PTPN14: variants seen among roughly 807,000 people sequenced by gnomAD.
PTPN14 encodes protein tyrosine phosphatase non-receptor type 14.
A neutral mutation model predicts 126.8 loss-of-function variants in PTPN14; 53 were observed. The ratio of observed to expected loss-of-function variants is 0.42; its 90% CI spans 0.34 to 0.53. The LOEUF (loss-of-function observed/expected upper bound fraction) is 0.53. PTPN14 is among the 20% of genes least tolerant of loss of function. The pLI, the probability that PTPN14 is intolerant of heterozygous loss-of-function variation, is 0.08. For missense variants in PTPN14, 1,257 were observed against 1,552.9 expected, an observed-to-expected ratio of 0.81 and a Z score of 3.20; for synonymous variants, 630 against 599.3, an observed-to-expected ratio of 1.05 and a Z score of -0.75.
At chr1:214,470,939 C>G (rs1341298363) in intron 1 of PTPN14, among the ~76,000 whole-genome samples, 1 of 150,700 alleles carries the variant, frequency 6.6e-6, no homozygotes, top group Non-Finnish European at 1.5e-5. Flanking sequence ...ACAGGAGAAT[C>G]ACTTGAACCT....
intron 1 of PTPN14, among the ~76,000 whole-genome samples, chr1:214,523,174 C>T (rs79393269): frequency 0.013 from 1,980 of 151,994 alleles, 42 homozygotes; most frequent in African/African-American, 0.045. Context: ...AGGCAGTGCC[C>T]TTGAACCTGG....
Position 214,503,998 on chromosome 1 carries a change from T to A in PTPN14, c.-154-39041A>T, listed in dbSNP as rs546312381. Among the ~76,000 whole-genome samples, 3 of 152,280 alleles carry A rather than the reference T, an allele frequency of 2.0e-5. No homozygotes were observed. The East Asian group carries it at 5.8e-4, about 29-fold the overall frequency. On this transcript the variant is annotated intron_variant, in intron 1 of 18. Transcript: ENST00000366956. Reference sequence around the variant, plus strand: ...AAGTGTGAGAAATAGTCAGGAAACTTGGGTGCCTTCCTCAAACACACCTCT... The same window carrying A: ...AAGTGTGAGAAATAGTCAGGAAACTAGGGTGCCTTCCTCAAACACACCTCT...
chr1:214,526,341 A>C (rs1052558344), intron 1 of PTPN14, among the ~76,000 whole-genome samples: 1 of 152,164 alleles, frequency 6.6e-6, no homozygotes, highest in African/African-American at 2.4e-5. Context: ...TTGGAGTCAG[A>C]GTATACACAT....
intron 17 of PTPN14, among the ~76,000 whole-genome samples, chr1:214,366,190 GA>G (rs1358638216): frequency 6.6e-6 from 1 of 152,082 alleles, no homozygotes; most frequent in African/African-American, 2.4e-5. Context: ...ATTAAAAAAA[GA>G]AAAAGAAAAG....
intron 13 of PTPN14, among the ~76,000 whole-genome samples, chr1:214,382,735 G>A (rs1028808437): frequency 1.3e-5 from 2 of 152,206 alleles, no homozygotes; most frequent in African/African-American, 4.8e-5. Flanking sequence ...GTATGTGTGT[G>A]AATTTTTGAC....
At chr1:214,490,887 GGGGAGGGGAGGGA>G (rs1661221007) in intron 1 of PTPN14, among the ~76,000 whole-genome samples, 1 of 24,894 alleles carries the variant, frequency 4.0e-5, no homozygotes, top group Non-Finnish European at 9.4e-5. Flanking sequence ...GGGGAGGGAA[GGGGAGGGGAGGGA>G]AGGGGAAGGA....
rs77713106 is a variant in PTPN14 at position 214,451,881 on chromosome 1, C to T, written c.268G>A (p.Ala90Thr). ...CCAAAGAAAAGCAAAGGCTCATTAG[C>T]GAATTTGTCCAGATGTTTCTTCAGA... ...KPLKKHLDKF[A>T]NEPLLFFGVM... is the part of the protein sequence containing the mutation. Residue 90 changes from alanine to threonine, a missense_variant, in exon 3 of 19, where the codon GCT becomes ACT. By Grantham distance (58) the Ala-to-Thr change is moderately conservative. Transcript: ENST00000366956. The T allele has an allele frequency of 1.9e-3, 3,056 of 1,614,182 alleles. 33 individuals are homozygous for T. In the African/African-American group the frequency reaches 0.035, roughly 19 times the overall value.
chr1:214,419,688 C>CA (rs61274772), intron 3 of PTPN14, among the ~76,000 whole-genome samples: 58 of 151,374 alleles, frequency 3.8e-4, no homozygotes, highest in Middle Eastern at 3.4e-3. Flanking sequence ...CTATAAAAGA[C>CA]AAAAAAAAGA....
At chr1:214,493,562 G>T (rs1661296475) in intron 1 of PTPN14, among the ~76,000 whole-genome samples, 1 of 152,214 alleles carries the variant, frequency 6.6e-6, no homozygotes, top group African/African-American at 2.4e-5. Flanking sequence ...AAAAAGAAAT[G>T]AATTAGGCAA....
In PTPN14 at chr1:214,350,124, A is replaced by G. The variant is rs1007976884; in HGVS notation, c.*7798T>C. 1 of 152,232 alleles carries G rather than the reference A, an allele frequency of 6.6e-6. No homozygotes were observed. Among genetic ancestry groups the G allele is most frequent in the African/African-American group, 2.4e-5 (1 of 41,452 alleles). 9.4% of individuals were successfully genotyped at this position (152,232 alleles called of 1,614,324 possible). A position where few individuals can be genotyped will look rare whatever the true frequency, so the allele number is the denominator to read the frequency against. ...GAAGGTTGGGGAAGAAAATGAAGATAGCTTACATACAGATTTTGGATGACC... is the reference window on the plus strand; with the variant it reads ...GAAGGTTGGGGAAGAAAATGAAGATGGCTTACATACAGATTTTGGATGACC... On this transcript the variant is annotated 3_prime_UTR_variant, in exon 19 of 19. Transcript: ENST00000366956.
intron 1 of PTPN14, chr1:214,532,263 C>T (rs755692686): frequency 6.8e-6 from 3 of 438,372 alleles, no homozygotes; most frequent in Non-Finnish European, 1.3e-5. Flanking sequence ...AGCCGCCCAG[C>T]TGGTCAACAG....
At chr1:214,478,736 T>C (rs1371241930) in intron 1 of PTPN14, among the ~76,000 whole-genome samples, 1 of 152,136 alleles carries the variant, frequency 6.6e-6, no homozygotes, top group Non-Finnish European at 1.5e-5. Flanking sequence ...TATTTTCTCA[T>C]TTATCTTCAC....
chr1:214,391,525 AAC>A (rs1658751499), intron 10 of PTPN14, among the ~76,000 whole-genome samples: 1 of 152,194 alleles, frequency 6.6e-6, no homozygotes, highest in Non-Finnish European at 1.5e-5. Flanking sequence ...TTATTAAGAT[AAC>A]ACATTTTACA....
intron 3 of PTPN14, among the ~76,000 whole-genome samples, chr1:214,438,858 T>G (rs1457261473): frequency 2.6e-5 from 4 of 152,184 alleles, no homozygotes; most frequent in Non-Finnish European, 2.9e-5. Flanking sequence ...AAAACAAATA[T>G]TATTTGAAGA....
intron 1 of PTPN14, among the ~76,000 whole-genome samples, chr1:214,473,989 G>T (rs61819631): frequency 0.09 from 13,677 of 152,122 alleles, 628 homozygotes; most frequent in South Asian, 0.12. Flanking sequence ...AACAAAAACT[G>T]TAAAAAGCAC....
chr1:214,384,872 T>C lies in PTPN14; in HGVS notation c.1067-84A>G. On this transcript the variant is annotated intron_variant, in intron 12 of 18. Coordinates refer to ENST00000366956, the MANE Select transcript of PTPN14 (RefSeq NM_005401.5). This position sits in a 1 kb window ranked among gnomAD's most constrained non-coding sequence, Gnocchi z 5.3. ...CATCCTCATACTCATGAGGTGACTT[T>C]TAATTTAAACAAATCATAAAAAGTG... 3.4e-6 allele frequency: 5 copies of C among 1,485,246 alleles called. 1 individual carries two copies. Among genetic ancestry groups the C allele is most frequent in the Middle Eastern group, 2.5e-4 (1 of 3,986 alleles). The allele number at this position is 1,485,246 out of a possible 1,614,324, so 92.0% of individuals were successfully genotyped here.
rs767726553 is a variant in PTPN14 at position 214,383,844 on chromosome 1, G to A, written c.2011C>T (p.Leu671Phe). 6.2e-7 allele frequency: 1 copy of A among 1,612,566 alleles called. No individual in the cohort carries two copies. Among genetic ancestry groups the A allele is most frequent in the Non-Finnish European group, 8.5e-7 (1 of 1,180,006 alleles). ...TCCTCGGGCGGTCCCTGCTCCCGGA[G>A]CGTGTTGCGGCGAGCCATGGGGAGG... is the stretch of plus-strand genomic sequence containing the variant. ...LHLPMARRNT[L>F]REQGPPEEGS... The change falls in exon 13 of 19, where the codon CTC (leucine) becomes TTC (phenylalanine). Residue 671 changes from leucine (L) to phenylalanine (F), a missense_variant. Leu to Phe is a conservative substitution (Grantham distance 22). Coordinates refer to ENST00000366956, the MANE Select transcript of PTPN14 (RefSeq NM_005401.5). The surrounding 1 kb of genome is among the most constrained non-coding windows in gnomAD (Gnocchi z 4.4).
Position 214,349,547 on chromosome 1 carries a change from G to A in PTPN14, c.*8375C>T, listed in dbSNP as rs1240036431. On this transcript the variant is annotated 3_prime_UTR_variant, in exon 19 of 19. Coordinates refer to ENST00000366956, the MANE Select transcript of PTPN14 (RefSeq NM_005401.5). Reference sequence around the variant, plus strand: ...GTAGGGAGCACAAGCCTAGTCCAGTGAAACAAACTAGATTAGCTTGTTACT... The same window carrying A: ...GTAGGGAGCACAAGCCTAGTCCAGTAAAACAAACTAGATTAGCTTGTTACT... 6.6e-6 allele frequency: 1 copy of A among 152,214 alleles called. No individual in the cohort carries two copies. Among genetic ancestry groups the A allele is most frequent in the African/African-American group, 2.4e-5 (1 of 41,452 alleles). The allele number at this position is 152,214 out of a possible 1,614,324, so 9.4% of individuals were successfully genotyped here. A position where few individuals can be genotyped will look rare whatever the true frequency, so the allele number is the denominator to read the frequency against.
intron 2 of PTPN14, among the ~76,000 whole-genome samples, chr1:214,457,885 A>G (rs766128640): frequency 6.6e-6 from 1 of 152,212 alleles, no homozygotes; most frequent in Non-Finnish European, 1.5e-5. Flanking sequence ...CACGTGTTCC[A>G]TAACCACATG....
Sources: gnomAD v4.1 joint callset for allele counts (sites outside exome capture counted in the v4.1 genomes callset) on GRCh38, gnomAD v4.1.1 for gene constraint, Gnocchi (gnomAD v3.1) non-coding constraint, MANE v1.5 for transcripts, NCBI Gene and HGNC (gene_info 2026-07-23, HGNC 2026-07-21) for gene names.